PTPRT: variants seen among roughly 807,000 people sequenced by gnomAD.
The protein encoded by PTPRT is protein tyrosine phosphatase receptor type T, also known as receptor-type tyrosine-protein phosphatase T.
PTPRT carries 56 observed loss-of-function variants against 176.8 expected under a neutral mutation model. The ratio of observed to expected loss-of-function variants is 0.32; its 90% CI spans 0.26 to 0.40. The LOEUF (loss-of-function observed/expected upper bound fraction) is 0.40. Among genes scored for constraint, PTPRT ranks in the 10% least tolerant of loss-of-function variants. The pLI, the probability that PTPRT is intolerant of heterozygous loss-of-function variation, is 1.00. For synonymous variants in PTPRT, 783 were observed against 739.0 expected, an observed-to-expected ratio of 1.06 and a Z score of -0.96; for missense variants, 1,540 against 1,908.2, an observed-to-expected ratio of 0.81 and a Z score of 3.60.
chr20:42,177,102 C>T (rs1322284179), intron 16 of PTPRT, among the ~76,000 whole-genome samples: 1 of 152,216 alleles, frequency 6.6e-6, no homozygotes, highest in East Asian at 1.9e-4. Flanking sequence ...AACCAGGCAG[C>T]TGAATTAGAC....
intron 1 of PTPRT, among the ~76,000 whole-genome samples, chr20:42,926,616 T>TGC (rs1979498738): frequency 6.6e-6 from 1 of 151,962 alleles, no homozygotes; most frequent in South Asian, 2.1e-4. Context: ...ATGCATAGAG[T>TGC]GCATCAGAGC....
At chr20:42,043,931 C>T in the PTPRT span, among the ~76,000 whole-genome samples, 1 of 152,322 alleles carries the variant, frequency 6.6e-6, no homozygotes, top group Non-Finnish European at 1.5e-5. Context: ...AACTATTCAT[C>T]TCAGCATTGC....
At chr20:42,662,573 T>A (rs2075242805) in intron 7 of PTPRT, among the ~76,000 whole-genome samples, 1 of 152,156 alleles carries the variant, frequency 6.6e-6, no homozygotes, top group Admixed American at 6.5e-5. Context: ...GACCTGTATT[T>A]CTATCCAGTG....
At chr20:42,213,554 T>C (rs1031624495) in intron 15 of PTPRT, among the ~76,000 whole-genome samples, 3 of 152,212 alleles carry the variant, frequency 2.0e-5, no homozygotes, top group Admixed American at 2.0e-4. Context: ...GTTACCTTAT[T>C]TGGAAATAGG....
At chr20:42,130,132 G>C (rs1463998907) in intron 18 of PTPRT, among the ~76,000 whole-genome samples, 2 of 152,216 alleles carry the variant, frequency 1.3e-5, no homozygotes, top group Admixed American at 6.5e-5. Context: ...TCCAAAGGGG[G>C]TGTAAGCACA....
At chr20:42,295,459 A>T (rs1418373994) in intron 12 of PTPRT, among the ~76,000 whole-genome samples, 1 of 152,218 alleles carries the variant, frequency 6.6e-6, no homozygotes, top group Non-Finnish European at 1.5e-5. Flanking sequence ...GGATCTACAG[A>T]AGATAAGTTC....
intron 11 of PTPRT, among the ~76,000 whole-genome samples, chr20:42,343,053 A>G (rs2058135363): frequency 6.6e-6 from 1 of 152,136 alleles, no homozygotes; most frequent in East Asian, 1.9e-4. Flanking sequence ...CTGGTCCTCC[A>G]GGCTAGAGTT....
chr20:42,331,992 A>G (rs1443786383), intron 11 of PTPRT, among the ~76,000 whole-genome samples: 1 of 151,830 alleles, frequency 6.6e-6, no homozygotes, highest in Non-Finnish European at 1.5e-5. Flanking sequence ...ACCCAACTGT[A>G]CTTGTCATTA....
At chr20:42,479,420 T>A (rs1335404251) in intron 7 of PTPRT, among the ~76,000 whole-genome samples, 1 of 152,202 alleles carries the variant, frequency 6.6e-6, no homozygotes, top group Non-Finnish European at 1.5e-5. Context: ...ATTGCCAACA[T>A]AATTTGATAC....
chr20:43,145,809 T>A (rs1026786514), intron 1 of PTPRT, among the ~76,000 whole-genome samples: 1 of 152,250 alleles, frequency 6.6e-6, no homozygotes, highest in Non-Finnish European at 1.5e-5. Context: ...CTGAATAAAT[T>A]ACTTCTGCCA....
intron 1 of PTPRT, among the ~76,000 whole-genome samples, chr20:43,079,225 G>T (rs1209311056): frequency 1.7e-5 from 2 of 114,542 alleles, no homozygotes; most frequent in Non-Finnish European, 3.2e-5. Flanking sequence ...TCTCCCCCCT[G>T]TCCTCTACCA....
intron 7 of PTPRT, among the ~76,000 whole-genome samples, chr20:42,649,633 T>C (rs894327785): frequency 3.3e-5 from 5 of 152,124 alleles, no homozygotes; most frequent in African/African-American, 1.2e-4. Flanking sequence ...TGAATGCTGG[T>C]TAAAGTAATA....
the PTPRT span, among the ~76,000 whole-genome samples, chr20:42,055,724 C>A: frequency 6.6e-6 from 1 of 151,992 alleles, no homozygotes; most frequent in Non-Finnish European, 1.5e-5. Context: ...AGAAAGGCAT[C>A]CTGGAGGAAT....
At chr20:42,644,821 T>C (rs2074850780) in intron 7 of PTPRT, among the ~76,000 whole-genome samples, 1 of 152,148 alleles carries the variant, frequency 6.6e-6, no homozygotes, top group South Asian at 2.1e-4. Context: ...CAACACTTAG[T>C]CCTTAAGCAA....
At chr20:42,813,234 C>T (rs1169827320) in intron 2 of PTPRT, among the ~76,000 whole-genome samples, 1 of 152,144 alleles carries the variant, frequency 6.6e-6, no homozygotes, top group South Asian at 2.1e-4. Context: ...TGAACCCTCG[C>T]TTTATTGACC....
chr20:43,176,769 C>T (rs921197161), intron 1 of PTPRT, among the ~76,000 whole-genome samples: 4 of 152,146 alleles, frequency 2.6e-5, no homozygotes, highest in Admixed American at 2.6e-4. Context: ...CCAGAAAATC[C>T]TGATATTTGT....
intron 8 of PTPRT, among the ~76,000 whole-genome samples, chr20:42,458,391 T>C (rs1308831026): frequency 6.6e-6 from 1 of 152,200 alleles, no homozygotes; most frequent in African/African-American, 2.4e-5. Context: ...TGTATTACCT[T>C]GGCCAAGCTG....
intron 9 of PTPRT, among the ~76,000 whole-genome samples, chr20:42,434,929 C>T (rs1157652238): frequency 6.6e-6 from 1 of 151,774 alleles, no homozygotes; most frequent in Non-Finnish European, 1.5e-5. Flanking sequence ...TGCATCACTG[C>T]ACTCTAGCCT....
At chr20:42,653,878 G>A (rs2075076092) in intron 7 of PTPRT, among the ~76,000 whole-genome samples, 1 of 152,122 alleles carries the variant, frequency 6.6e-6, no homozygotes, top group South Asian at 2.1e-4. Flanking sequence ...AAGGCATGTA[G>A]ACACATATGT....
Sources: gnomAD v4.1 joint callset for allele counts (sites outside exome capture counted in the v4.1 genomes callset) on GRCh38, gnomAD v4.1.1 for gene constraint, MANE v1.5 for transcripts, NCBI Gene and HGNC (gene_info 2026-07-23, HGNC 2026-07-21) for gene names.